RHBDL3: variants seen among roughly 807,000 people sequenced by gnomAD.
RHBDL3 encodes the protein rhomboid like 3, also known as rhomboid-related protein 3.
In RHBDL3, 28 loss-of-function variants were observed where a neutral mutation model predicts 48.2. The ratio of observed to expected loss-of-function variants is 0.58; its 90% CI spans 0.43 to 0.80. The LOEUF is 0.80. Among genes scored for constraint, RHBDL3 ranks in the 30% least tolerant of loss-of-function variants. The pLI is 0.00. For synonymous variants in RHBDL3, 208 were observed against 232.3 expected, an observed-to-expected ratio of 0.90 and a Z score of 0.95; for missense variants, 464 against 542.7, an observed-to-expected ratio of 0.85 and a Z score of 1.44.
rs1176336668 is a variant in RHBDL3, at chr17:32,284,670, G to A, written c.147G>A (p.Gly49=). The A allele has an allele frequency of 3.1e-6, 5 of 1,614,068 alleles. No individual in the cohort carries two copies. Among genetic ancestry groups the A allele is most frequent in the Middle Eastern group, 3.3e-4 (2 of 6,058 alleles). ...WKVLFDQFDP[G]NTGYISTGKF... ...TGCTTTTCCCTCAGTTTGACCCTGG[G>A]AACACAGGCTACATTAGCACAGGCA... Residue 49 remains glycine, a synonymous_variant, in exon 3 of 9, where the codon GGG becomes GGA. Transcript: ENST00000269051.
At chr17:32,280,093 G>A (rs953826134) in intron 2 of RHBDL3, among the ~76,000 whole-genome samples, 5 of 152,208 alleles carry the variant, frequency 3.3e-5, no homozygotes, top group African/African-American at 9.7e-5. Context: ...CAGCTCCTCT[G>A]TGTCTTCCGC....
chr17:32,292,490 G>A (rs2040353584), intron 4 of RHBDL3, among the ~76,000 whole-genome samples: 1 of 152,122 alleles, frequency 6.6e-6, no homozygotes, highest in South Asian at 2.1e-4. Context: ...AGTGTCCATC[G>A]GTAGATGAAT....
rs780847434 is a variant in RHBDL3 at position 32,288,972 on chromosome 17, T to G, written c.475T>G (p.Cys159Gly). The G allele has an allele frequency of 4.3e-6, 7 of 1,614,134 alleles. No homozygotes were observed. The highest frequency in any genetic ancestry group is 5.9e-6 in the Non-Finnish European group (7 of 1,180,018). ...CAAGTGGTACTATGACAGCTACACC[T>G]GCTGCCCCCCACCCTGGTTCATGAT... ...DRKWYYDSYT[C>G]CPPPWFMITV... The change falls in exon 4 of 9, where the codon TGC (cysteine) becomes GGC (glycine). Residue 159 changes from cysteine to glycine, a missense_variant. Coordinates refer to ENST00000269051, the MANE Select transcript of RHBDL3 (RefSeq NM_138328.3).
At chr17:32,276,693 C>G (rs1052431928) in intron 2 of RHBDL3, among the ~76,000 whole-genome samples, 1 of 150,776 alleles carries the variant, frequency 6.6e-6, no homozygotes, top group African/African-American at 2.5e-5. Context: ...GTACTCCAGC[C>G]CTAGCACAGT....
intron 8 of RHBDL3, 87 bp from the exon 9 acceptor site, chr17:32,320,871 T>A: frequency 1.1e-6 from 1 of 936,474 alleles, no homozygotes; most frequent in East Asian, 2.4e-5. Context: ...TAATAGGGAA[T>A]GAATTCATGG....
intron 8 of RHBDL3, among the ~76,000 whole-genome samples, chr17:32,319,751 C>G (rs959354734): frequency 3.3e-5 from 5 of 152,230 alleles, no homozygotes; most frequent in Admixed American, 6.5e-5. Flanking sequence ...GGCTCATTAA[C>G]TGGTAGCTAA....
intron 1 of RHBDL3, 25 bp from the exon 2 acceptor site, chr17:32,267,877 C>G: frequency 6.2e-7 from 1 of 1,614,022 alleles, no homozygotes. Context: ...TTCTTCCTCT[C>G]CTGCATGGCC....
At chr17:32,271,390 A>G (rs2039771087) in intron 2 of RHBDL3, among the ~76,000 whole-genome samples, 3 of 152,224 alleles carry the variant, frequency 2.0e-5, no homozygotes, top group South Asian at 4.1e-4. Flanking sequence ...TTGCACAGGT[A>G]ATGTCCCCTT....
At chr17:32,284,841 A>G (rs1244653792) in intron 3 of RHBDL3, 24 bp downstream of exon 3, 1 of 1,605,080 alleles carries the variant, frequency 6.2e-7, no homozygotes, top group African/African-American at 1.3e-5. Context: ...GGCCCTTGGT[A>G]CTCGGGGGGA....
chr17:32,276,624 C>T (rs1168418770), intron 2 of RHBDL3, among the ~76,000 whole-genome samples: 1 of 152,120 alleles, frequency 6.6e-6, no homozygotes, highest in African/African-American at 2.4e-5. Flanking sequence ...GCTGCCTGCA[C>T]CATACTTCAG....
rs772137013 is a variant in RHBDL3, at chr17:32,275,852, A to G, written c.135+7927A>G. ...AAAACTGGGAATCCCAGAATCGTGG[A>G]GGCTTCTCCAGCTGTCAGGGGCCTG... On this transcript the variant is annotated intron_variant, in intron 2 of 8. Coordinates refer to ENST00000269051, the MANE Select transcript of RHBDL3 (RefSeq NM_138328.3). 4.5e-4 allele frequency among the ~76,000 whole-genome samples: 68 copies of G among 152,260 alleles called. 1 individual carries two copies. Among genetic ancestry groups the G allele is most frequent in the South Asian group, 1.2e-3 (6 of 4,820 alleles).
At chr17:32,297,578 G>T (rs916211164) in intron 5 of RHBDL3, among the ~76,000 whole-genome samples, 1 of 151,734 alleles carries the variant, frequency 6.6e-6, no homozygotes, top group African/African-American at 2.4e-5. Flanking sequence ...TTGTGTCAGC[G>T]TGGCCACTAA....
At chr17:32,295,266 A>G (rs1450028006) in intron 5 of RHBDL3, among the ~76,000 whole-genome samples, 4 of 152,222 alleles carry the variant, frequency 2.6e-5, no homozygotes, top group South Asian at 2.1e-4. Flanking sequence ...AATGGCCAAG[A>G]GGGAGTTGTC....
chr17:32,314,589 C>T (rs2150753563), intron 7 of RHBDL3, among the ~76,000 whole-genome samples: 1 of 152,256 alleles, frequency 6.6e-6, no homozygotes, highest in South Asian at 2.1e-4. Context: ...GAGCCCTTCC[C>T]AGGGCTCCCA....
chr17:32,292,356 A>G (rs1416053712), intron 4 of RHBDL3, among the ~76,000 whole-genome samples: 1 of 152,202 alleles, frequency 6.6e-6, no homozygotes, highest in Non-Finnish European at 1.5e-5. Flanking sequence ...TAGAATTACC[A>G]TATGATCCAG....
intron 2 of RHBDL3, among the ~76,000 whole-genome samples, chr17:32,274,361 T>TG (rs1341870885): frequency 6.6e-6 from 1 of 152,198 alleles, no homozygotes; most frequent in Non-Finnish European, 1.5e-5. Context: ...AACCAGTCCG[T>TG]GTGTGGCTTA....
At chr17:32,272,420 G>T (rs763663519) in intron 2 of RHBDL3, among the ~76,000 whole-genome samples, 3 of 152,232 alleles carry the variant, frequency 2.0e-5, no homozygotes, top group Non-Finnish European at 2.9e-5. Flanking sequence ...ACCCCTGAAG[G>T]GATTAGCAAG....
At chr17:32,297,032 G>A (rs866571693) in intron 5 of RHBDL3, among the ~76,000 whole-genome samples, 1 of 151,454 alleles carries the variant, frequency 6.6e-6, no homozygotes, top group Middle Eastern at 3.2e-3. Flanking sequence ...CATATTTTTA[G>A]TAAAGACGGG....
chr17:32,296,329 CTCT>C (rs2040447487), intron 5 of RHBDL3, among the ~76,000 whole-genome samples: 1 of 117,540 alleles, frequency 8.5e-6, no homozygotes, highest in Admixed American at 8.8e-5. Flanking sequence ...CAGAATAGGT[CTCT>C]TTTTTTTTTT....
Sources: gnomAD v4.1 joint callset for allele counts (sites outside exome capture counted in the v4.1 genomes callset) on GRCh38, gnomAD v4.1.1 for gene constraint, MANE v1.5 for transcripts, NCBI Gene and HGNC (gene_info 2026-07-23, HGNC 2026-07-21) for gene names.